The following TRRAP variants were observed in gnomAD, a reference collection of about 807,000 sequenced individuals.
The protein encoded by TRRAP is transformation/transcription domain associated protein.
TRRAP carries 41 observed loss-of-function variants against 438.8 expected under a neutral mutation model. The ratio of observed to expected loss-of-function variants is 0.09; its 90% CI spans 0.07 to 0.12. The LOEUF (loss-of-function observed/expected upper bound fraction) is 0.12. TRRAP is among the 10% of genes least tolerant of loss of function. The probability of loss-of-function intolerance (pLI) is 1.00; values close to 1 mark genes in which losing one functional copy is unlikely to be tolerated. For synonymous variants in TRRAP, 1,994 were observed against 1,962.9 expected (o/e 1.02, Z -0.42); for missense variants, 3,122 against 5,055.1 (o/e 0.62, Z 11.60).
At chr7:98,891,865 T>C (rs1795995847) in intron 4 of TRRAP, among the ~76,000 whole-genome samples, 1 of 152,166 alleles carries the variant, frequency 6.6e-6, no homozygotes, top group African/African-American at 2.4e-5. Context: ...AAATAACTTT[T>C]AAAAAACGTT....
chr7:98,917,374 G>A lies in TRRAP; in HGVS notation c.2366-49G>A, dbSNP rs117618908. Reference sequence around the variant, plus strand: ...TCTTTTGTGTGTTTCACCTGGGCCCGAGTCTGGGGAGCGTCTTCCCTCTCT... The same window carrying A: ...TCTTTTGTGTGTTTCACCTGGGCCCAAGTCTGGGGAGCGTCTTCCCTCTCT... On this transcript the variant is annotated intron_variant, in intron 19 of 72. Transcript: ENST00000456197. 11,717 of 1,591,390 alleles carry A rather than the reference G, an allele frequency of 7.4e-3. 69 individuals carry two copies. Among genetic ancestry groups the A allele is most frequent in the Non-Finnish European group, 7.8e-3 (9,058 of 1,165,930 alleles).
chr7:98,941,618 C>T (rs1554415627), intron 30 of TRRAP, among the ~76,000 whole-genome samples: 1 of 152,130 alleles, frequency 6.6e-6, no homozygotes, highest in African/African-American at 2.4e-5. Context: ...TCATTTACAT[C>T]TTTGTGTAAG....
At position 99,012,335 on chromosome 7, in the gene TRRAP, G is replaced by T; in HGVS notation, c.11602G>T (p.Ala3868Ser). ...SLDNLCRMDP[A>S]WHPWL ...GGACAATCTGTGCCGCATGGACCCCGCCTGGCACCCCTGGCTGTGACTGTG... is the reference window on the plus strand; with the variant it reads ...GGACAATCTGTGCCGCATGGACCCCTCCTGGCACCCCTGGCTGTGACTGTG... Residue 3868 changes from alanine to serine, a missense_variant, in exon 73 of 73, where the codon GCC becomes TCC. Around this residue, in one of 24 missense-constraint regions of TRRAP, gnomAD observed 192 missense variants for 355.6 expected, o/e 0.54. Transcript: ENST00000456197. The surrounding 1 kb of genome is among the most constrained non-coding windows in gnomAD (Gnocchi z 5.9). 2 of 1,604,012 alleles carry T rather than the reference G, an allele frequency of 1.2e-6. No homozygotes were observed. Among genetic ancestry groups the T allele is most frequent in the Non-Finnish European group, 1.7e-6 (2 of 1,175,274 alleles).
chr7:98,895,444 A>G (rs1248652324), intron 6 of TRRAP, among the ~76,000 whole-genome samples: 2 of 152,230 alleles, frequency 1.3e-5, no homozygotes, highest in African/African-American at 4.8e-5. Flanking sequence ...GCCCCACAGT[A>G]TATGAGAGTC....
Position 98,928,450 on chromosome 7 carries a change from C to T in TRRAP, c.3175+1084C>T, listed in dbSNP as rs547580873. Reference sequence around the variant, plus strand: ...CATAGAATTTTCCCCTTTAACTTTTCTTGGCCTGACGGGTCAATACTGTAC... The same window carrying T: ...CATAGAATTTTCCCCTTTAACTTTTTTTGGCCTGACGGGTCAATACTGTAC... On this transcript the variant is annotated intron_variant, in intron 23 of 72. Transcript: ENST00000456197. 3.9e-5 allele frequency among the ~76,000 whole-genome samples: 6 copies of T among 152,310 alleles called. No individual in the cohort carries two copies. The East Asian group carries it at 1.2e-3, about 29-fold the overall frequency.
At position 98,910,171 on chromosome 7, in the gene TRRAP, C is replaced by G. The variant is rs140514468; in HGVS notation, c.1466C>G (p.Thr489Ser). 4.5e-5 allele frequency: 72 copies of G among 1,611,800 alleles called. 1 individual carries two copies. Among genetic ancestry groups the G allele is most frequent in the Non-Finnish European group, 5.8e-5 (69 of 1,179,516 alleles). Residue 489 changes from threonine (T) to serine (S), a missense_variant, in exon 15 of 73, where the codon ACT becomes AGT. Coordinates refer to ENST00000456197, the MANE Select transcript of TRRAP (RefSeq NM_001375524.1). ...GAAGCAGCTCTGCCTGGGGTGCCCA[C>G]TGCCCCTGCAGCTCCTGGCCCTGCT... The part of the protein sequence containing the change: ...AVEAALPGVP[T>S]APAAPGPAPS...
At chr7:98,903,622 T>A in intron 12 of TRRAP, 105 bp downstream of exon 12, 1 of 1,498,460 alleles carries the variant, frequency 6.7e-7, no homozygotes, top group South Asian at 1.3e-5. Context: ...CCATGTATCC[T>A]TGCTTCCTTC....
chr7:98,918,669 A>C (rs1789640175), intron 20 of TRRAP, among the ~76,000 whole-genome samples: 1 of 152,186 alleles, frequency 6.6e-6, no homozygotes, highest in African/African-American at 2.4e-5. Context: ...TCTAAAGGAA[A>C]GATATAGGTG....
chr7:98,955,715 T>C (rs534967920), intron 41 of TRRAP, among the ~76,000 whole-genome samples: 2 of 152,332 alleles, frequency 1.3e-5, no homozygotes, highest in East Asian at 3.9e-4. Flanking sequence ...TGTAAATGTT[T>C]CTTGTAGATT....
chr7:99,008,454 T>C lies in TRRAP; in HGVS notation c.10831T>C (p.Tyr3611His). Residue 3611 changes from tyrosine (Y) to histidine (H), a missense_variant, in exon 70 of 73, where the codon TAC becomes CAC. Physicochemically the swap from Tyr to His is moderately conservative, Grantham distance 83. Transcript: ENST00000456197. The part of the protein sequence containing the change: ...NPSSLSLVEI[Y>H]KQRCAKKGIE... ...CTCTTCACTTTCCCTTGTGGAGATC[T>C]ACAAGCAGCGCTGCGCCAAGAAGGG... is the stretch of plus-strand genomic sequence containing the variant. 6.2e-7 allele frequency: 1 copy of C among 1,614,212 alleles called. No homozygotes were observed. The highest frequency in any genetic ancestry group is 8.5e-7 in the Non-Finnish European group (1 of 1,180,024).
At chr7:99,008,762 C>T (rs556363399) in intron 70 of TRRAP, among the ~76,000 whole-genome samples, 6 of 152,344 alleles carry the variant, frequency 3.9e-5, no homozygotes, top group South Asian at 4.1e-4. Flanking sequence ...TTGTCGTGGA[C>T]GGTTTGTTAT....
chr7:99,011,996 C>T lies in TRRAP; in HGVS notation c.11338-75C>T. ...CCTGAGCGGCCGCTGTGGTTGAGTC[C>T]CACCTTGTTAGGAAGCTGCCCCTGT... On this transcript the variant is annotated intron_variant, in intron 72 of 72. Coordinates refer to ENST00000456197, the MANE Select transcript of TRRAP (RefSeq NM_001375524.1). The surrounding 1 kb of genome is among the most constrained non-coding windows in gnomAD (Gnocchi z 7.1). 2 of 1,556,434 alleles carry T rather than the reference C, an allele frequency of 1.3e-6. No homozygotes were observed. Among genetic ancestry groups the T allele is most frequent in the Non-Finnish European group, 1.7e-6 (2 of 1,147,206 alleles).
chr7:98,968,613 G>A (rs1259229955), intron 51 of TRRAP, among the ~76,000 whole-genome samples: 1 of 152,166 alleles, frequency 6.6e-6, no homozygotes, highest in African/African-American at 2.4e-5. Flanking sequence ...TGCTGTGCAG[G>A]TAGTTCTCGT....
At chr7:98,891,204 T>TATATATATATATA (rs71799326) in intron 4 of TRRAP, among the ~76,000 whole-genome samples, 3 of 70,354 alleles carry the variant, frequency 4.3e-5, no homozygotes, top group East Asian at 3.5e-4. Flanking sequence ...TATATATATA[T>TATATATATATATA]TTTTTTTTTT....
intron 27 of TRRAP, 73 bp downstream of exon 27, chr7:98,933,475 G>A: frequency 6.5e-7 from 1 of 1,533,134 alleles, no homozygotes; most frequent in Non-Finnish European, 8.8e-7. Context: ...TGTACGCGAA[G>A]ACTGGTCAGG....
intron 44 of TRRAP, among the ~76,000 whole-genome samples, chr7:98,958,958 C>A (rs1406420203): frequency 3.3e-5 from 5 of 152,112 alleles, no homozygotes; most frequent in Admixed American, 6.5e-5. Context: ...ATTTTAAGTT[C>A]TTATTCCTGT....
intron 18 of TRRAP, among the ~76,000 whole-genome samples, chr7:98,913,432 G>T (rs1584303112): frequency 6.6e-6 from 1 of 152,042 alleles, no homozygotes; most frequent in Non-Finnish European, 1.5e-5. Flanking sequence ...GGGATTATAG[G>T]TGCATGCCAC....
intron 4 of TRRAP, among the ~76,000 whole-genome samples, chr7:98,890,814 A>C (rs1554404735): frequency 1.5e-5 from 2 of 137,026 alleles, no homozygotes; most frequent in African/African-American, 5.9e-5. Context: ...TTAAAAGACA[A>C]GGTCTCACTC....
intron 62 of TRRAP, 133 bp from the exon 63 acceptor site, chr7:98,988,632 A>T (rs1793254474): frequency 9.7e-7 from 1 of 1,031,484 alleles, no homozygotes; most frequent in Non-Finnish European, 1.4e-6. Context: ...GCGACTGCTT[A>T]TGGGGCGGTT....
Sources: allele counts gnomAD v4.1 joint callset (sites outside exome capture counted in the v4.1 genomes callset), GRCh38; gene constraint gnomAD v4.1.1; regional missense constraint gnomAD v4.1.1; non-coding constraint Gnocchi (gnomAD v3.1); transcripts MANE v1.5; gene names NCBI Gene and HGNC (gene_info 2026-07-23, HGNC 2026-07-21).